The following MYO5B variants were observed in gnomAD, a reference collection of about 807,000 sequenced individuals.
MYO5B encodes unconventional myosin-Vb.
MYO5B carries 143 observed loss-of-function variants against 229.3 expected under a neutral mutation model. That is an observed-to-expected ratio of 0.62 (90% CI 0.54 to 0.72). The LOEUF is 0.72. Ranked by LOEUF, MYO5B falls within the 30% of genes least tolerant of loss-of-function variation. The pLI is 0.00. For synonymous variants in MYO5B, 918 were observed against 885.2 expected (o/e 1.04, Z -0.66); for missense variants, 2,321 against 2,331.0 (o/e 1.00, Z 0.09).
At chr18:50,192,627 C>G (rs2033243680) in intron 1 of MYO5B, among the ~76,000 whole-genome samples, 1 of 152,206 alleles carries the variant, frequency 6.6e-6, no homozygotes, top group Non-Finnish European at 1.5e-5. Context: ...CCTTCTCATT[C>G]CTCTCAAAGA....
chr18:49,926,885 C>G (rs534691885), intron 17 of MYO5B, among the ~76,000 whole-genome samples: 233 of 152,242 alleles, frequency 1.5e-3, no homozygotes, highest in African/African-American at 5.4e-3. Context: ...ATGGATGAAG[C>G]TTGAAGGTAT....
chr18:49,932,179 G>A (rs2025200509), intron 16 of MYO5B, among the ~76,000 whole-genome samples: 1 of 152,096 alleles, frequency 6.6e-6, no homozygotes, highest in Admixed American at 6.5e-5. Flanking sequence ...CTCCCTCTCT[G>A]TTCTGGTATC....
At chr18:49,923,490 C>T (rs1251744529) in intron 17 of MYO5B, among the ~76,000 whole-genome samples, 17 of 152,138 alleles carry the variant, frequency 1.1e-4, no homozygotes, top group Admixed American at 1.1e-3. Flanking sequence ...CACTGGCTTC[C>T]CCCTCTAAAA....
intron 10 of MYO5B, among the ~76,000 whole-genome samples, chr18:49,966,373 C>A (rs2025626027): frequency 6.6e-6 from 1 of 152,180 alleles, no homozygotes; most frequent in South Asian, 2.1e-4. Context: ...CACCCCTGTG[C>A]ACTCCAGACC....
chr18:50,157,465 A>G (rs979745448), intron 1 of MYO5B, among the ~76,000 whole-genome samples: 16 of 152,098 alleles, frequency 1.1e-4, no homozygotes, highest in African/African-American at 2.2e-4. Flanking sequence ...ACGCTCCCCT[A>G]TAATTTCTAA....
At chr18:50,140,322 C>T (rs2032399025) in intron 1 of MYO5B, among the ~76,000 whole-genome samples, 1 of 152,198 alleles carries the variant, frequency 6.6e-6, no homozygotes, top group African/African-American at 2.4e-5. Context: ...AACTAAAAGG[C>T]AGCAACTCTT....
chr18:50,083,596 G>T (rs1273766549), intron 1 of MYO5B, among the ~76,000 whole-genome samples: 2 of 152,170 alleles, frequency 1.3e-5, no homozygotes, highest in African/African-American at 4.8e-5. Flanking sequence ...CATGTGACAC[G>T]TGGGCATCAC....
intron 5 of MYO5B, 73 bp downstream of exon 5, chr18:50,001,182 T>G (rs2026042660): frequency 3.1e-6 from 5 of 1,599,194 alleles, no homozygotes; most frequent in Non-Finnish European, 4.3e-6. Context: ...CCACCCAGGC[T>G]TGACGCCCAG....
intron 1 of MYO5B, among the ~76,000 whole-genome samples, chr18:50,075,609 C>T (rs1192457088): frequency 1.3e-5 from 2 of 152,168 alleles, no homozygotes; most frequent in East Asian, 1.9e-4. Flanking sequence ...AGTGTGAGGT[C>T]CTACACTTTC....
At chr18:50,043,322 A>ATATATT (rs2030087349) in intron 2 of MYO5B, among the ~76,000 whole-genome samples, 1 of 114,748 alleles carries the variant, frequency 8.7e-6, no homozygotes, top group East Asian at 2.2e-4. Flanking sequence ...AATATATAAA[A>ATATATT]TATATATTTT....
intron 32 of MYO5B, among the ~76,000 whole-genome samples, chr18:49,848,321 G>A (rs915222957): frequency 6.6e-6 from 1 of 152,054 alleles, no homozygotes; most frequent in Admixed American, 6.5e-5. Context: ...GGTGCTGATG[G>A]TGGTGGGGCT....
intron 4 of MYO5B, among the ~76,000 whole-genome samples, chr18:50,015,526 T>G (rs936717728): frequency 6.6e-6 from 1 of 152,246 alleles, no homozygotes; most frequent in Non-Finnish European, 1.5e-5. Flanking sequence ...GTGAAATTTT[T>G]TAAGTGTTCT....
chr18:50,056,925 CT>C (rs1458245899), intron 1 of MYO5B, among the ~76,000 whole-genome samples: 1 of 152,210 alleles, frequency 6.6e-6, no homozygotes, highest in East Asian at 1.9e-4. Flanking sequence ...CCAAAGTCAT[CT>C]GTTTCATTAC....
intron 24 of MYO5B, among the ~76,000 whole-genome samples, chr18:49,878,562 T>C (rs551473832): frequency 6.6e-6 from 1 of 152,278 alleles, no homozygotes. Flanking sequence ...CTGCATCTCA[T>C]CAGATTAGGA....
At chr18:49,925,833 G>A (rs2025123246) in intron 17 of MYO5B, among the ~76,000 whole-genome samples, 1 of 152,164 alleles carries the variant, frequency 6.6e-6, no homozygotes, top group Non-Finnish European at 1.5e-5. Context: ...GCAATGAAAG[G>A]CAGTCTAATT....
At chr18:50,035,830 T>A (rs2026442038) in intron 4 of MYO5B, among the ~76,000 whole-genome samples, 1 of 152,234 alleles carries the variant, frequency 6.6e-6, no homozygotes, top group Non-Finnish European at 1.5e-5. Context: ...AGTGCTTATT[T>A]TGAATATATC....
chr18:50,116,559 G>C (rs2031966309), intron 1 of MYO5B, among the ~76,000 whole-genome samples: 1 of 152,002 alleles, frequency 6.6e-6, no homozygotes, highest in Admixed American at 6.6e-5. Flanking sequence ...TGCATCTCTT[G>C]AGTTCTCCAA....
chr18:49,908,979 G>A (rs371646795), intron 18 of MYO5B, among the ~76,000 whole-genome samples: 11 of 152,302 alleles, frequency 7.2e-5, no homozygotes, highest in African/African-American at 2.2e-4. Flanking sequence ...ACAGCCTAAC[G>A]AAGCAGCCCC....
intron 8 of MYO5B, among the ~76,000 whole-genome samples, chr18:49,982,725 C>T (rs1301100641): frequency 1.3e-5 from 2 of 152,170 alleles, no homozygotes; most frequent in African/African-American, 4.8e-5. Flanking sequence ...GAGTTGAATG[C>T]TTTGCAACAA....
Sources: gnomAD v4.1 joint callset for allele counts (sites outside exome capture counted in the v4.1 genomes callset) on GRCh38, gnomAD v4.1.1 for gene constraint, MANE v1.5 for transcripts, NCBI Gene and HGNC (gene_info 2026-07-23, HGNC 2026-07-21) for gene names.